Variants in B9D1 observed in about 807,000 individuals in gnomAD.
B9D1 encodes B9 domain containing 1.
Under a neutral mutation model 26.1 loss-of-function variants are expected in B9D1, and 20 were observed. The ratio of observed to expected loss-of-function variants is 0.77; its 90% confidence interval spans 0.54 to 1.12. The LOEUF is 1.12. Among genes scored for constraint, B9D1 ranks in the 50% most tolerant of loss-of-function variants. The probability of loss-of-function intolerance (pLI) is 0.00; values close to 1 mark genes in which losing one functional copy is unlikely to be tolerated. For missense variants in B9D1, 260 were observed against 273.7 expected, an observed-to-expected ratio of 0.95 and a Z score of 0.35; for synonymous variants, 105 against 103.1, an observed-to-expected ratio of 1.02 and a Z score of -0.11.
chr17:19,347,925 G>A lies in B9D1; in HGVS notation c.245-45C>T. 1 of 1,529,294 alleles carries A rather than the reference G, an allele frequency of 6.5e-7. No homozygotes were observed. Among genetic ancestry groups the A allele is most frequent in the Non-Finnish European group, 9.1e-7 (1 of 1,104,804 alleles). 94.7% of individuals were successfully genotyped at this position (1,529,294 alleles called of 1,614,324 possible). A position where few individuals can be genotyped will look rare whatever the true frequency, so the allele number is the denominator to read the frequency against. On this transcript the variant is annotated intron_variant, in intron 3 of 6. Transcript: ENST00000261499. This position sits in a 1 kb window ranked among gnomAD's most constrained non-coding sequence, Gnocchi z 4.3. The stretch of plus-strand genomic sequence containing the variant: ...GGGGTGGGCACATGAGGACACACAG[G>A]GGAGGTGCAGGGCAGAGAACAGGGC...
intron 3 of B9D1, among the ~76,000 whole-genome samples, chr17:19,356,660 T>C (rs1463610596): frequency 6.6e-6 from 1 of 152,198 alleles, no homozygotes; most frequent in Non-Finnish European, 1.5e-5. Context: ...TCAAAAGTCT[T>C]GATCAGTCTC....
chr17:19,365,262 C>G (rs1056136806), upstream of B9D1, among the ~76,000 whole-genome samples: 1 of 152,254 alleles, frequency 6.6e-6, no homozygotes, highest in Non-Finnish European at 1.5e-5. This position sits in a 1 kb window ranked among gnomAD's most constrained non-coding sequence, Gnocchi z 5.0. Context: ...CCTGATCTCA[C>G]AAGAGTCCAT....
At chr17:19,376,227 C>T (rs764879435) in intron 1 of B9D1, among the ~76,000 whole-genome samples, 4 of 152,120 alleles carry the variant, frequency 2.6e-5, no homozygotes, top group Non-Finnish European at 5.9e-5. Context: ...TGAGGAGTGA[C>T]CGTTAATGGG....
At chr17:19,374,213 C>T (rs1000064244) in intron 1 of B9D1, among the ~76,000 whole-genome samples, 8 of 152,198 alleles carry the variant, frequency 5.3e-5, no homozygotes, top group African/African-American at 9.7e-5. Context: ...ATCTGACCCT[C>T]GGCCTGTGCT....
intron 5 of B9D1, among the ~76,000 whole-genome samples, chr17:19,346,255 TA>T (rs1391820982): frequency 6.6e-6 from 1 of 152,202 alleles, no homozygotes; most frequent in African/African-American, 2.4e-5. Flanking sequence ...GAAGGACTCC[TA>T]GGGGCAGTAG....
Position 19,343,835 on chromosome 17 carries a change from C to T in B9D1, c.427G>A (p.Glu143Lys), listed in dbSNP as rs1490515097. 8.1e-6 allele frequency: 13 copies of T among 1,613,904 alleles called. No individual in the cohort carries two copies. Among genetic ancestry groups the T allele is most frequent in the East Asian group, 6.7e-5 (3 of 44,886 alleles). Residue 143 changes from glutamate (E) to lysine (K), a missense_variant, in exon 6 of 7, where the codon GAG becomes AAG. Transcript: ENST00000261499. ...GCCACCACCTTGGGGTCTGTGTACT[C>T]GGGCCGCCGCCCCATGAACCAGCTG... ...FTSWFMGRRP[E>K]YTDPKVVAQG...
chr17:19,344,498 CA>C, intron 5 of B9D1: 1 of 277,874 alleles, frequency 3.6e-6, no homozygotes. Flanking sequence ...CCGGGGGTGT[CA>C]GGCCCCGCCG....
chr17:19,347,320 G>T lies in B9D1; in HGVS notation c.353C>A (p.Thr118Asn), dbSNP rs1908961639. 1 of 1,614,198 alleles carries T rather than the reference G, an allele frequency of 6.2e-7. No homozygotes were observed. The highest frequency in any genetic ancestry group is 1.3e-5 in the African/African-American group (1 of 75,040). Residue 118 changes from threonine (T) to asparagine (N), a missense_variant, in exon 5 of 7, where the codon ACC (threonine) becomes AAC (asparagine). Transcript: ENST00000261499. This position sits in a 1 kb window ranked among gnomAD's most constrained non-coding sequence, Gnocchi z 4.3. ...AGATTCTGGGACAAACATGGGGATG[G>T]TCCTTTTGTGCCTGAAACAAATGTT... ...VPFSPGRHKRTIPMFVPESTS... is the reference protein window; with the variant it reads ...VPFSPGRHKRNIPMFVPESTS...
rs144339542 is a variant in B9D1, at chr17:19,347,995, G to A, written c.245-115C>T. 5.6e-6 allele frequency: 5 copies of A among 895,212 alleles called. No homozygotes were observed. The Admixed American group carries it at 9.9e-5, about 18-fold the overall frequency. The allele number at this position is 895,212 out of a possible 1,614,324, so 55.5% of individuals were successfully genotyped here. ...CAAAGGATGGAGCTCAAAACTCTGG[G>A]GTGGCAGGCTTGAGAGGGGACAGGA... On this transcript the variant is annotated intron_variant, in intron 3 of 6. Transcript: ENST00000261499. This position sits in a 1 kb window ranked among gnomAD's most constrained non-coding sequence, Gnocchi z 4.3.
rs369323438 is a variant in B9D1, at chr17:19,343,879, G to A, written c.405-22C>T. ...CCAGCTGGGAACACAGAAGAACACAGGTGAGCAGGGCCCCACCTGGGCATT... is the reference window on the plus strand; with the variant it reads ...CCAGCTGGGAACACAGAAGAACACAAGTGAGCAGGGCCCCACCTGGGCATT... On this transcript the variant is annotated intron_variant, in intron 5 of 6. Coordinates refer to ENST00000261499, the MANE Select transcript of B9D1 (RefSeq NM_015681.6). 6.8e-6 allele frequency: 11 copies of A among 1,613,528 alleles called. No homozygotes were observed. In the African/African-American group the frequency reaches 9.3e-5, roughly 14 times the overall value.
At chr17:19,377,711 G>T in intron 1 of B9D1, 1 of 365,464 alleles carries the variant, frequency 2.7e-6, no homozygotes, top group Non-Finnish European at 3.8e-6. Flanking sequence ...GGATTTTGGG[G>T]TGGGTCGGGA....
intron 1 of B9D1, among the ~76,000 whole-genome samples, chr17:19,362,063 GCCA>G (rs1911148092): frequency 6.6e-6 from 1 of 152,212 alleles, no homozygotes; most frequent in Non-Finnish European, 1.5e-5. Flanking sequence ...TCAATTCCAG[GCCA>G]CCACCATTGT....
At chr17:19,346,987 A>G in intron 5 of B9D1, 1 of 1,533,524 alleles carries the variant, frequency 6.5e-7, no homozygotes, top group Non-Finnish European at 8.8e-7. Context: ...ACATTATGTC[A>G]TGAGCATTTT....
At chr17:19,360,150 C>A (rs1247552631) in intron 2 of B9D1, among the ~76,000 whole-genome samples, 170 bp downstream of exon 2, 1 of 152,222 alleles carries the variant, frequency 6.6e-6, no homozygotes, top group Non-Finnish European at 1.5e-5. Flanking sequence ...GGGAGTCCAA[C>A]CATGGCTGTG....
chr17:19,344,906 G>T (rs1332792861), intron 5 of B9D1, among the ~76,000 whole-genome samples: 3 of 152,242 alleles, frequency 2.0e-5, no homozygotes, highest in Non-Finnish European at 4.4e-5. Flanking sequence ...AAGGGGAAGG[G>T]ATGGGCAGCC....
At chr17:19,340,041 C>A (rs879684770), downstream of B9D1, among the ~76,000 whole-genome samples, 4 of 148,640 alleles carry the variant, frequency 2.7e-5, no homozygotes, top group Admixed American at 6.7e-5. Flanking sequence ...CAACCCCCCC[C>A]CCCCCCCGGC....
Position 19,347,274 on chromosome 17 carries a change from A to C in B9D1, c.399T>G (p.Phe133Leu). ...VPESTSKLQK[F>L]TSWFMGRRPE... is the part of the protein sequence containing the mutation. ...GTTATGGGTACAAAACTCACCTTGT[A>C]AACTTCTGCAGTTTAGACGTAGATT... The change falls in exon 5 of 7, where the codon TTT becomes TTG. Residue 133 changes from phenylalanine to leucine, a missense_variant. Transcript: ENST00000261499. The surrounding 1 kb of genome is among the most constrained non-coding windows in gnomAD (Gnocchi z 4.3). 1 of 1,614,228 alleles carries C rather than the reference A, an allele frequency of 6.2e-7. No homozygotes were observed. Among genetic ancestry groups the C allele is most frequent in the Non-Finnish European group, 8.5e-7 (1 of 1,180,048 alleles).
upstream of B9D1, chr17:19,362,767 A>AG (rs1659270754): frequency 1.1e-6 from 1 of 886,798 alleles, no homozygotes; most frequent in Non-Finnish European, 1.6e-6. Context: ...GCGGGGCACA[A>AG]GGGGCGGGGA....
intron 1 of B9D1, among the ~76,000 whole-genome samples, chr17:19,361,107 C>G (rs983494601): frequency 6.6e-5 from 10 of 151,998 alleles, no homozygotes; most frequent in African/African-American, 2.4e-4. Flanking sequence ...TTATGAGAAT[C>G]TAACGCATGA....
Sources: gnomAD v4.1 joint callset for allele counts (sites outside exome capture counted in the v4.1 genomes callset) on GRCh38, gnomAD v4.1.1 for gene constraint, Gnocchi (gnomAD v3.1) non-coding constraint, MANE v1.5 for transcripts, NCBI Gene and HGNC (gene_info 2026-07-23, HGNC 2026-07-21) for gene names.